Variants in CEP128 observed in about 807,000 individuals in gnomAD.
CEP128 encodes centrosomal protein 128.
CEP128 carries 132 observed loss-of-function variants against 156.7 expected under a neutral mutation model. The ratio of observed to expected loss-of-function variants is 0.84; its 90% CI spans 0.73 to 0.97. The LOEUF is 0.97. CEP128 is among the 50% of genes least tolerant of loss of function. The pLI, the probability that CEP128 is intolerant of heterozygous loss-of-function variation, is 0.00. For missense variants in CEP128, 1,252 were observed against 1,281.9 expected, an observed-to-expected ratio of 0.98 and a Z score of 0.36; for synonymous variants, 469 against 448.9, an observed-to-expected ratio of 1.04 and a Z score of -0.57.
chr14:80,842,073 C>G (rs1472391129), intron 9 of CEP128, among the ~76,000 whole-genome samples: 2 of 152,140 alleles, frequency 1.3e-5, no homozygotes, highest in Admixed American at 6.5e-5. Flanking sequence ...TTCTTCCTTA[C>G]TTTCCCCTTA....
chr14:80,796,422 T>C (rs1883480730), intron 13 of CEP128, among the ~76,000 whole-genome samples: 2 of 151,550 alleles, frequency 1.3e-5, no homozygotes, highest in Non-Finnish European at 2.9e-5. Flanking sequence ...CTTCCGCCAC[T>C]GCACTGCAGC....
chr14:80,949,694 T>C (rs12050278), intron 2 of CEP128, among the ~76,000 whole-genome samples: 65,015 of 152,002 alleles, frequency 0.43, 14,269 homozygotes, highest in Middle Eastern at 0.53. Context: ...AAATCCCAAA[T>C]TGTTTCAAAG....
rs57777356 is a variant in CEP128 at position 80,581,028 on chromosome 14, G to A, written c.2807-605C>T. On this transcript the variant is annotated intron_variant, in intron 19 of 24. Coordinates refer to ENST00000555265, the MANE Select transcript of CEP128 (RefSeq NM_152446.5). ...TGACTAAGAGTTTGGCACCATCCCA[G>A]AGAAATTAGTGGTTGGAAGGGAAGG... 5.0e-3 allele frequency among the ~76,000 whole-genome samples: 761 copies of A among 152,274 alleles called. 13 individuals carry two copies. Among genetic ancestry groups the A allele is most frequent in the African/African-American group, 0.017 (717 of 41,562 alleles).
chr14:80,672,249 CTT>C (rs1009495908), intron 19 of CEP128, among the ~76,000 whole-genome samples: 4 of 151,526 alleles, frequency 2.6e-5, no homozygotes, highest in African/African-American at 9.7e-5. Flanking sequence ...GAAGTCTTCT[CTT>C]GTTTCTCTCT....
intron 16 of CEP128, among the ~76,000 whole-genome samples, chr14:80,765,275 G>A (rs566586899): frequency 1.6e-4 from 25 of 152,280 alleles, no homozygotes; most frequent in African/African-American, 5.1e-4. Flanking sequence ...GCGCTTTCTC[G>A]CAGTTTCATG....
At chr14:80,512,997 G>T (rs1888329577) in intron 23 of CEP128, among the ~76,000 whole-genome samples, 1 of 152,016 alleles carries the variant, frequency 6.6e-6, no homozygotes, top group African/African-American at 2.4e-5. Context: ...GAAGGTATGA[G>T]TACTTTATAC....
chr14:80,697,148 T>C (rs987269297), intron 19 of CEP128, among the ~76,000 whole-genome samples: 87 of 152,180 alleles, frequency 5.7e-4, no homozygotes, highest in Admixed American at 3.8e-3. Flanking sequence ...TGTTAGCAAC[T>C]GAAATTTAAG....
intron 18 of CEP128, among the ~76,000 whole-genome samples, chr14:80,744,313 G>A (rs1232493523): frequency 6.6e-6 from 1 of 152,020 alleles, no homozygotes; most frequent in African/African-American, 2.4e-5. Flanking sequence ...AGTTATATAT[G>A]AAATGTACTG....
intron 14 of CEP128, among the ~76,000 whole-genome samples, chr14:80,479,398 G>A (rs1196037418): frequency 1.3e-5 from 2 of 152,182 alleles, no homozygotes; most frequent in Non-Finnish European, 2.9e-5. Context: ...CACATGGCTG[G>A]AGAGGCCTCA....
Position 80,831,264 on chromosome 14 carries a change from T to A in CEP128, c.1088A>T (p.Lys363Met). 6.2e-7 allele frequency: 1 copy of A among 1,614,072 alleles called. No individual in the cohort carries two copies. The highest frequency in any genetic ancestry group is 8.5e-7 in the Non-Finnish European group (1 of 1,179,958). ...GVEREKQDLE[K>M]QMSDLRVQLN... ...CTGCACTCTCAAATCTGACATTTGC[T>A]TCTCCAGGTCCTGTTTTTCCCGCTC... Residue 363 changes from lysine to methionine, a missense_variant, in exon 13 of 25, where the codon AAG (lysine) becomes ATG (methionine). Physicochemically the swap from Lys to Met is moderately conservative, Grantham distance 95. Coordinates refer to ENST00000555265, the MANE Select transcript of CEP128 (RefSeq NM_152446.5).
At chr14:80,585,525 A>G (rs1039074618) in intron 19 of CEP128, among the ~76,000 whole-genome samples, 1 of 152,230 alleles carries the variant, frequency 6.6e-6, no homozygotes, top group East Asian at 1.9e-4. Context: ...AACCATTCCT[A>G]TAAAATGCCT....
intron 2 of CEP128, among the ~76,000 whole-genome samples, chr14:80,952,482 C>T (rs1042785498): frequency 6.6e-6 from 1 of 151,906 alleles, no homozygotes; most frequent in Non-Finnish European, 1.5e-5. Flanking sequence ...GATATCGAAA[C>T]CTGTGGGATG....
At chr14:80,769,775 G>A (rs1326876869) in intron 16 of CEP128, among the ~76,000 whole-genome samples, 1 of 151,944 alleles carries the variant, frequency 6.6e-6, no homozygotes, top group African/African-American at 2.4e-5. Flanking sequence ...ATTATTGCTT[G>A]TTCAACATTA....
In CEP128 at chr14:80,910,975, T is replaced by A. The variant is rs186577089; in HGVS notation, c.234+3347A>T. On this transcript the variant is annotated intron_variant, in intron 4 of 24. Transcript: ENST00000555265. ...AACTGTAGATGCTTTTAGATTACCA[T>A]GAAAATAAAATAACTAAATTTTAAA... Among the ~76,000 whole-genome samples the A allele has an allele frequency of 2.1e-4, 32 of 152,342 alleles. No homozygotes were observed. The East Asian group carries it at 6.2e-3, about 29-fold the overall frequency.
chr14:80,656,397 T>C (rs898252057), intron 19 of CEP128, among the ~76,000 whole-genome samples: 4 of 143,602 alleles, frequency 2.8e-5, no homozygotes, highest in Non-Finnish European at 6.1e-5. Context: ...TCAACATTCT[T>C]CTTCCTATAG....
intron 20 of CEP128, among the ~76,000 whole-genome samples, chr14:80,571,807 A>C (rs1297126425): frequency 7.5e-6 from 1 of 133,226 alleles, no homozygotes; most frequent in Non-Finnish European, 1.6e-5. Context: ...TCAGAACAAA[A>C]AAAAAGAAAG....
intron 19 of CEP128, among the ~76,000 whole-genome samples, chr14:80,720,037 C>G (rs940840905): frequency 6.6e-6 from 1 of 151,932 alleles, no homozygotes; most frequent in African/African-American, 2.4e-5. Context: ...CAAGATCCCT[C>G]CGAGGAGGTG....
At chr14:80,541,777 T>C (rs1889773974) in intron 21 of CEP128, among the ~76,000 whole-genome samples, 1 of 152,232 alleles carries the variant, frequency 6.6e-6, no homozygotes. Context: ...AAATGTTCTC[T>C]ACACATTGCT....
chr14:80,930,034 A>G (rs1885369971), intron 2 of CEP128, among the ~76,000 whole-genome samples: 1 of 152,206 alleles, frequency 6.6e-6, no homozygotes, highest in Admixed American at 6.5e-5. Context: ...CAGCGGTGGC[A>G]TTAGATTGTC....
Sources: allele counts gnomAD v4.1 joint callset (sites outside exome capture counted in the v4.1 genomes callset), GRCh38; gene constraint gnomAD v4.1.1; transcripts MANE v1.5; gene names NCBI Gene and HGNC (gene_info 2026-07-23, HGNC 2026-07-21).